The following CAMK1D variants were observed in gnomAD, a reference collection of about 807,000 sequenced individuals.
The protein encoded by CAMK1D is calcium/calmodulin-dependent protein kinase type 1D.
A neutral mutation model predicts 47.7 loss-of-function variants in CAMK1D; 9 were observed. The observed-to-expected ratio is 0.19, with a 90% CI of 0.11 to 0.33. The LOEUF is 0.33. Among genes scored for constraint, CAMK1D ranks in the 10% least tolerant of loss-of-function variants. The pLI is 1.00. For missense variants in CAMK1D, 291 were observed against 488.7 expected, an observed-to-expected ratio of 0.60 and a Z score of 3.81; for synonymous variants, 184 against 184.9, an observed-to-expected ratio of 0.99 and a Z score of 0.04.
At chr10:12,615,735 T>G (rs1360003118) in intron 2 of CAMK1D, among the ~76,000 whole-genome samples, 1 of 151,762 alleles carries the variant, frequency 6.6e-6, no homozygotes, top group East Asian at 1.9e-4. Context: ...TGTGCATGTG[T>G]GTGGGGGTGT....
chr10:12,388,598 C>T (rs568545531), intron 1 of CAMK1D, among the ~76,000 whole-genome samples: 1 of 152,284 alleles, frequency 6.6e-6, no homozygotes, highest in Admixed American at 6.5e-5. Context: ...GAAAACATAC[C>T]TGTCTGCTAA....
At chr10:12,516,491 GTAAA>G (rs113302009) in intron 1 of CAMK1D, among the ~76,000 whole-genome samples, 36,337 of 151,940 alleles carry the variant, frequency 0.24, 4,542 homozygotes, top group South Asian at 0.34. Context: ...TTTATCTTGG[GTAAA>G]TAAATAGCTA....
intron 3 of CAMK1D, among the ~76,000 whole-genome samples, chr10:12,712,910 G>A (rs557546443): frequency 2.6e-5 from 4 of 152,154 alleles, no homozygotes; most frequent in Non-Finnish European, 4.4e-5. Flanking sequence ...CAGCTTCATT[G>A]TCAGTTCCAT....
chr10:12,506,229 G>C (rs112544819), intron 1 of CAMK1D, among the ~76,000 whole-genome samples: 1,951 of 152,168 alleles, frequency 0.013, 38 homozygotes, highest in East Asian at 0.071. Flanking sequence ...GACCAGCCTG[G>C]CCAACATGGC....
intron 1 of CAMK1D, among the ~76,000 whole-genome samples, chr10:12,490,708 G>A (rs1170391242): frequency 6.6e-6 from 1 of 152,192 alleles, no homozygotes; most frequent in South Asian, 2.1e-4. Context: ...AGCCAGGTGT[G>A]GTGGCACATG....
At chr10:12,805,367 CTT>C (rs35851814) in intron 6 of CAMK1D, among the ~76,000 whole-genome samples, 11,904 of 128,622 alleles carry the variant, frequency 0.093, 1,683 homozygotes, top group African/African-American at 0.32. Flanking sequence ...CTTTACATTT[CTT>C]TTTTTTTTTT....
chr10:12,558,594 G>T (rs549029138), intron 2 of CAMK1D, among the ~76,000 whole-genome samples: 1 of 151,800 alleles, frequency 6.6e-6, no homozygotes, highest in Non-Finnish European at 1.5e-5. Flanking sequence ...AGCACTTAAA[G>T]TACTTTTGCA....
intron 2 of CAMK1D, among the ~76,000 whole-genome samples, chr10:12,560,554 G>GAAAAAA (rs1564412321): frequency 1.1e-5 from 1 of 89,032 alleles, no homozygotes; most frequent in Non-Finnish European, 2.2e-5. Context: ...ACTCTATCTC[G>GAAAAAA]GAAAAAAAAA....
At chr10:12,820,057 G>A (rs549391587) in intron 8 of CAMK1D, among the ~76,000 whole-genome samples, 1 of 152,320 alleles carries the variant, frequency 6.6e-6, no homozygotes, top group Non-Finnish European at 1.5e-5. Context: ...CTGCACCGGA[G>A]GTGGTGGGAG....
At chr10:12,767,280 T>G (rs1434422612) in intron 4 of CAMK1D, among the ~76,000 whole-genome samples, 2 of 151,962 alleles carry the variant, frequency 1.3e-5, no homozygotes, top group Non-Finnish European at 2.9e-5. Flanking sequence ...CAGGTTCAAG[T>G]GATTCTCCTG....
chr10:12,580,995 C>T (rs1837647062), intron 2 of CAMK1D, among the ~76,000 whole-genome samples: 1 of 152,122 alleles, frequency 6.6e-6, no homozygotes, highest in Non-Finnish European at 1.5e-5. Flanking sequence ...ATCATCTGAG[C>T]AGTGTACACT....
rs549268026 is a variant in CAMK1D at position 12,489,644 on chromosome 10, C to T, written c.93-63581C>T. On this transcript the variant is annotated intron_variant, in intron 1 of 10. Coordinates refer to ENST00000619168, the MANE Select transcript of CAMK1D (RefSeq NM_153498.4). ...TACTTCTGTGCAGCTCGTTCCTAAC[C>T]GGAGGTTGGGGATGCCTGGTTTACA... Among the ~76,000 whole-genome samples, 363 of 152,250 alleles carry T rather than the reference C, an allele frequency of 2.4e-3. 1 individual carries two copies. Among genetic ancestry groups the T allele is most frequent in the Non-Finnish European group, 3.9e-3 (268 of 68,018 alleles).
intron 2 of CAMK1D, among the ~76,000 whole-genome samples, chr10:12,646,022 A>G (rs900146434): frequency 6.7e-6 from 1 of 148,638 alleles, no homozygotes; most frequent in Admixed American, 6.7e-5. Context: ...ATTTCTGTTT[A>G]GAATCTTCCA....
chr10:12,544,604 G>C (rs1836299420), intron 1 of CAMK1D, among the ~76,000 whole-genome samples: 1 of 152,208 alleles, frequency 6.6e-6, no homozygotes, highest in Admixed American at 6.5e-5. Flanking sequence ...TAATTTTTAT[G>C]CCTCAAGAGA....
At chr10:12,533,090 T>C (rs999604636) in intron 1 of CAMK1D, among the ~76,000 whole-genome samples, 1 of 152,234 alleles carries the variant, frequency 6.6e-6, no homozygotes, top group East Asian at 1.9e-4. Flanking sequence ...TTGCATTGTT[T>C]GTAACACAAA....
At chr10:12,436,808 G>A (rs73587079) in intron 1 of CAMK1D, among the ~76,000 whole-genome samples, 2,907 of 152,252 alleles carry the variant, frequency 0.019, 89 homozygotes, top group African/African-American at 0.067. Flanking sequence ...CACAATACAC[G>A]TATTAAGTGC....
At position 12,395,220 on chromosome 10, in the gene CAMK1D, C is replaced by T. The variant is rs573349319; in HGVS notation, c.92+45310C>T. 3.5e-4 allele frequency among the ~76,000 whole-genome samples: 53 copies of T among 151,870 alleles called. 1 individual carries two copies. Among genetic ancestry groups the T allele is most frequent in the Non-Finnish European group, 1.3e-4 (9 of 67,946 alleles). ...CCAGGTAGCTAGGTGCATACCACTA[C>T]GCCCAAGTAATTTTTTTTAATTAAT... On this transcript the variant is annotated intron_variant, in intron 1 of 10. Coordinates refer to ENST00000619168, the MANE Select transcript of CAMK1D (RefSeq NM_153498.4).
At chr10:12,643,814 G>A (rs1029238662) in intron 2 of CAMK1D, among the ~76,000 whole-genome samples, 2 of 151,630 alleles carry the variant, frequency 1.3e-5, no homozygotes, top group African/African-American at 2.4e-5. Context: ...AACCTGGGGG[G>A]CGGAGGTTGC....
intron 1 of CAMK1D, among the ~76,000 whole-genome samples, chr10:12,534,168 G>A (rs533573153): frequency 7.3e-5 from 11 of 151,388 alleles, no homozygotes; most frequent in Admixed American, 5.3e-4. Context: ...CTATCTATCT[G>A]TCTATCTATC....
Sources: gnomAD v4.1 joint callset for allele counts (sites outside exome capture counted in the v4.1 genomes callset) on GRCh38, gnomAD v4.1.1 for gene constraint, MANE v1.5 for transcripts, NCBI Gene and HGNC (gene_info 2026-07-23, HGNC 2026-07-21) for gene names.